Variants in ATP8B2 observed in about 807,000 individuals in gnomAD.
ATP8B2 encodes the protein ATPase phospholipid transporting 8B2.
A neutral mutation model predicts 133.4 loss-of-function variants in ATP8B2; 70 were observed. That is an observed-to-expected ratio of 0.52 (90% confidence interval 0.43 to 0.64). The LOEUF is 0.64. Ranked by LOEUF, ATP8B2 falls within the 30% of genes least tolerant of loss-of-function variation. ATP8B2 has a pLI of 0.00. For missense variants in ATP8B2, 1,101 were observed against 1,535.7 expected (o/e 0.72, Z 4.73); for synonymous variants, 517 against 589.5 (o/e 0.88, Z 1.78).
chr1:154,329,753 AC>A (rs945213036), intron 2 of ATP8B2, among the ~76,000 whole-genome samples: 23 of 151,802 alleles, frequency 1.5e-4, no homozygotes, highest in South Asian at 1.0e-3. Context: ...CCTGAAACGC[AC>A]CCCCCACACC....
chr1:154,334,369 C>T lies in ATP8B2; in HGVS notation c.748+104C>T. 6.5e-7 allele frequency: 1 copy of T among 1,536,214 alleles called. No individual in the cohort carries two copies. Among genetic ancestry groups the T allele is most frequent in the Non-Finnish European group, 8.9e-7 (1 of 1,123,228 alleles). On this transcript the variant is annotated intron_variant, in intron 10 of 27. Coordinates refer to ENST00000368489, the MANE Select transcript of ATP8B2 (RefSeq NM_001370597.1). The surrounding 1 kb of genome is among the most constrained non-coding windows in gnomAD (Gnocchi z 4.6). Reference sequence around the variant, plus strand: ...GAGAATACCTAAGGTAAAAAACCTCCAGCTGTGTATACAGGCTTCTTATCT... The same window carrying T: ...GAGAATACCTAAGGTAAAAAACCTCTAGCTGTGTATACAGGCTTCTTATCT...
intron 11 of ATP8B2, among the ~76,000 whole-genome samples, chr1:154,336,049 A>G (rs111951369): frequency 0.014 from 2,056 of 150,444 alleles, 55 homozygotes; most frequent in African/African-American, 0.047. Flanking sequence ...CTCAAAAAAA[A>G]AAAAAAAAGG....
intron 8 of ATP8B2, among the ~76,000 whole-genome samples, chr1:154,332,402 A>G (rs1267139172): frequency 1.3e-5 from 2 of 152,234 alleles, no homozygotes; most frequent in Non-Finnish European, 2.9e-5. Flanking sequence ...TAAAAAGTTT[A>G]AAACTTAGCT....
In ATP8B2 at chr1:154,334,638, T is replaced by C. The variant is rs766256455; in HGVS notation, c.837+47T>C. The C allele has an allele frequency of 6.6e-7, 1 of 1,523,348 alleles. No homozygotes were observed. Among genetic ancestry groups the C allele is most frequent in the Non-Finnish European group, 9.1e-7 (1 of 1,100,786 alleles). 94.4% of individuals were successfully genotyped at this position (1,523,348 alleles called of 1,614,324 possible). A position where few individuals can be genotyped will look rare whatever the true frequency, so the allele number is the denominator to read the frequency against. ...TCCCTGCCCCTGCCCTCTCTTCTCC[T>C]TGGGTGCTCCTTTTCCTTTCCTCTT... On this transcript the variant is annotated intron_variant, in intron 11 of 27. Coordinates refer to ENST00000368489, the MANE Select transcript of ATP8B2 (RefSeq NM_001370597.1). This position sits in a 1 kb window ranked among gnomAD's most constrained non-coding sequence, Gnocchi z 4.6.
chr1:154,343,751 C>G lies in ATP8B2; in HGVS notation c.1759-142C>G. 8.9e-7 allele frequency: 1 copy of G among 1,128,648 alleles called. No homozygotes were observed. The highest frequency in any genetic ancestry group is 1.2e-6 in the Non-Finnish European group (1 of 800,970). The allele number at this position is 1,128,648 out of a possible 1,614,324, so 69.9% of individuals were successfully genotyped here. On this transcript the variant is annotated intron_variant, in intron 17 of 27. Transcript: ENST00000368489. This position sits in a 1 kb window ranked among gnomAD's most constrained non-coding sequence, Gnocchi z 5.8. ...CATCAGCCAGCTCCCATAGTTACCT[C>G]TTTTTATGTATGTGGTGACAGTCCC...
Position 154,331,547 on chromosome 1 carries a change from G to GTCCCT in ATP8B2, c.365+44_365+48dup. On this transcript the variant is annotated intron_variant, in intron 6 of 27. Coordinates refer to ENST00000368489, the MANE Select transcript of ATP8B2 (RefSeq NM_001370597.1). This position sits in a 1 kb window ranked among gnomAD's most constrained non-coding sequence, Gnocchi z 4.8. Reference sequence around the variant, plus strand: ...GACAAGAGCTCTGGGGACGAAGGGGGTCCCTTAGGAACCTCTTTAGCTCCT... The same window carrying GTCCCT: ...GACAAGAGCTCTGGGGACGAAGGGGGTCCCTTCCCTTAGGAACCTCTTTAGCTCCT... 1 of 1,613,226 alleles carries GTCCCT rather than the reference G, an allele frequency of 6.2e-7. No homozygotes were observed. The highest frequency in any genetic ancestry group is 1.1e-5 in the South Asian group (1 of 91,066).
chr1:154,334,408 A>T lies in ATP8B2; in HGVS notation c.749-95A>T. On this transcript the variant is annotated intron_variant, in intron 10 of 27. Coordinates refer to ENST00000368489, the MANE Select transcript of ATP8B2 (RefSeq NM_001370597.1). The surrounding 1 kb of genome is among the most constrained non-coding windows in gnomAD (Gnocchi z 4.6). ...GGCTTCTTATCTAGCCAGTATCTCT[A>T]TTCCACCCTGGTGTCCTGCAGTCTG... 6.6e-7 allele frequency: 1 copy of T among 1,525,458 alleles called. No individual in the cohort carries two copies. Among genetic ancestry groups the T allele is most frequent in the South Asian group, 1.2e-5 (1 of 86,412 alleles). 94.5% of individuals were successfully genotyped at this position (1,525,458 alleles called of 1,614,324 possible).
intron 26 of ATP8B2, 97 bp from the exon 27 acceptor site, chr1:154,348,311 T>A (rs1686661149): frequency 7.3e-7 from 1 of 1,367,806 alleles, no homozygotes; most frequent in African/African-American, 1.5e-5. Context: ...CAGAGGTGAC[T>A]TAGGCTTTGA....
In ATP8B2 at chr1:154,348,926, C is replaced by T. The variant is rs149931261; in HGVS notation, c.3381C>T (p.Ser1127=). 1.0e-4 allele frequency: 161 copies of T among 1,613,962 alleles called. No homozygotes were observed. The highest frequency in any genetic ancestry group is 1.3e-4 in the Non-Finnish European group (148 of 1,179,962). The change falls in exon 28 of 28, where the codon TCC becomes TCT. Residue 1127 remains serine, a synonymous_variant. Transcript: ENST00000368489. ...RRVGRTGSRR[S]GYAFSHQEGF... ...TTGGCCGCACTGGCTCCCGGCGCTC[C>T]GGCTATGCCTTCTCCCATCAGGAGG...
chr1:154,330,685 C>T (rs1685956901), intron 3 of ATP8B2, 130 bp from the exon 4 acceptor site: 4 of 817,202 alleles, frequency 4.9e-6, no homozygotes, highest in African/African-American at 3.4e-5. Flanking sequence ...CCTCTTTCCC[C>T]CTCCCACACC....
At chr1:154,342,261 T>C (rs1686410768) in intron 13 of ATP8B2, among the ~76,000 whole-genome samples, 1 of 149,974 alleles carries the variant, frequency 6.7e-6, no homozygotes, top group African/African-American at 2.5e-5. Flanking sequence ...GCCGGGGCTC[T>C]TTCATGGCCA....
rs182819545 is a variant in ATP8B2, at chr1:154,346,094, C to T, written c.2779-137C>T. The T allele has an allele frequency of 6.1e-6, 8 of 1,311,288 alleles. No individual in the cohort carries two copies. In the Admixed American group the frequency reaches 1.2e-4, roughly 20 times the overall value. 81.2% of individuals were successfully genotyped at this position (1,311,288 alleles called of 1,614,324 possible). Reference sequence around the variant, plus strand: ...CTGAACTAAGTTAGTCTGGGGGTAGCTGGCTTGAGGTTGGTTCTAGCTGCC... The same window carrying T: ...CTGAACTAAGTTAGTCTGGGGGTAGTTGGCTTGAGGTTGGTTCTAGCTGCC... On this transcript the variant is annotated intron_variant, in intron 24 of 27. Coordinates refer to ENST00000368489, the MANE Select transcript of ATP8B2 (RefSeq NM_001370597.1). This position sits in a 1 kb window ranked among gnomAD's most constrained non-coding sequence, Gnocchi z 4.5.
At chr1:154,337,874 G>A (rs936343414) in intron 12 of ATP8B2, 43 of 827,688 alleles carry the variant, frequency 5.2e-5, no homozygotes, top group Non-Finnish European at 7.3e-5. Flanking sequence ...AGGAGCTTAC[G>A]TCTAGTAAAG....
chr1:154,348,021 CA>C (rs1553297552), intron 26 of ATP8B2, among the ~76,000 whole-genome samples: 17 of 20,270 alleles, frequency 8.4e-4, no homozygotes, highest in African/African-American at 1.0e-3. Flanking sequence ...TAAAAAACAA[CA>C]AAAAAAAAAT....
chr1:154,342,574 C>A, intron 14 of ATP8B2, 51 bp downstream of exon 14: 1 of 1,564,922 alleles, frequency 6.4e-7, no homozygotes, highest in Non-Finnish European at 8.8e-7. Context: ...GGGTGCCTGG[C>A]CAGTAACAGT....
intron 9 of ATP8B2, 44 bp downstream of exon 9, chr1:154,332,741 T>C (rs1308390052): frequency 2.1e-6 from 3 of 1,459,398 alleles, no homozygotes; most frequent in South Asian, 1.2e-5. Flanking sequence ...AGGAGTGGGG[T>C]TGGGTTTTGT....
In ATP8B2 at chr1:154,340,654, G is replaced by T. The variant is rs1171857531; in HGVS notation, c.1035-200G>T. ...GTCTGGAGAGCATCAGGAGGGTCGG[G>T]TCGGGGCGTTCCTCTGCTGGCTGTG... On this transcript the variant is annotated intron_variant, in intron 12 of 27. Transcript: ENST00000368489. The surrounding 1 kb of genome is among the most constrained non-coding windows in gnomAD (Gnocchi z 4.0). 11 of 607,486 alleles carry T rather than the reference G, an allele frequency of 1.8e-5. 1 individual carries two copies. The South Asian group carries it at 1.8e-4, about 10-fold the overall frequency. The allele number at this position is 607,486 out of a possible 1,614,324, so 37.6% of individuals were successfully genotyped here.
chr1:154,343,662 C>A lies in ATP8B2; in HGVS notation c.1758+94C>A. 1 of 1,227,606 alleles carries A rather than the reference C, an allele frequency of 8.1e-7. No homozygotes were observed. Among genetic ancestry groups the A allele is most frequent in the Non-Finnish European group, 1.2e-6 (1 of 850,482 alleles). The allele number at this position is 1,227,606 out of a possible 1,614,324, so 76.0% of individuals were successfully genotyped here. ...TTGTTTTATTGTGTAAATTTAAGGT[C>A]TACAACGTGATGTTTTGATGTGTAT... On this transcript the variant is annotated intron_variant, in intron 17 of 27. Coordinates refer to ENST00000368489, the MANE Select transcript of ATP8B2 (RefSeq NM_001370597.1). The surrounding 1 kb of genome is among the most constrained non-coding windows in gnomAD (Gnocchi z 5.8).
At position 154,342,969 on chromosome 1, in the gene ATP8B2, G is replaced by A. The variant is rs773160510; in HGVS notation, c.1453+8G>A. On this transcript the variant is annotated splice_region_variant and intron_variant, in intron 15 of 27. Transcript: ENST00000368489. The stretch of plus-strand genomic sequence containing the variant: ...CAGAAGAAAAGAACGAAGGTGGGCC[G>A]AGGAGCCGGCTCGCACTCTCCTGAC... 33 of 1,613,350 alleles carry A rather than the reference G, an allele frequency of 2.0e-5. No homozygotes were observed. The highest frequency in any genetic ancestry group is 1.8e-4 in the Admixed American group (11 of 59,970).
Sources: gnomAD v4.1 joint callset for allele counts (sites outside exome capture counted in the v4.1 genomes callset) on GRCh38, gnomAD v4.1.1 for gene constraint, Gnocchi (gnomAD v3.1) non-coding constraint, MANE v1.5 for transcripts, NCBI Gene and HGNC (gene_info 2026-07-23, HGNC 2026-07-21) for gene names.